VWF: variants seen among roughly 807,000 people sequenced by gnomAD.
VWF encodes von Willebrand factor, also known as Factor VIII related antigen.
VWF carries 176 observed loss-of-function variants against 308.6 expected under a neutral mutation model. The ratio of observed to expected loss-of-function variants is 0.57; its 90% CI spans 0.50 to 0.65. VWF has a LOEUF of 0.65. VWF is among the 30% of genes least tolerant of loss of function. VWF has a pLI of 0.00. For missense variants in VWF, 3,146 were observed against 3,648.2 expected, an observed-to-expected ratio of 0.86 and a Z score of 3.55; for synonymous variants, 1,385 against 1,443.4, an observed-to-expected ratio of 0.96 and a Z score of 0.92.
At chr12:6,055,534 G>A (rs778354956) in intron 15 of VWF, among the ~76,000 whole-genome samples, 4 of 152,032 alleles carry the variant, frequency 2.6e-5, no homozygotes, top group African/African-American at 7.2e-5. Context: ...AGGGCACAAC[G>A]GCTGCATTAT....
intron 15 of VWF, among the ~76,000 whole-genome samples, chr12:6,055,044 C>T (rs1334528277): frequency 6.6e-6 from 1 of 152,158 alleles, no homozygotes; most frequent in Non-Finnish European, 1.5e-5. Flanking sequence ...CCAGGGAAAG[C>T]TCCTTCCTAC....
In VWF at chr12:6,046,601, C is replaced by T. The variant is rs1944448686; in HGVS notation, c.2281+122G>A. 5 of 1,009,386 alleles carry T rather than the reference C, an allele frequency of 5.0e-6. No individual in the cohort carries two copies. The highest frequency in any genetic ancestry group is 7.7e-6 in the Non-Finnish European group (5 of 645,560). The allele number at this position is 1,009,386 out of a possible 1,614,324, so 62.5% of individuals were successfully genotyped here. ...AAATGAAGGCGATCCTGGGCGAAGC[C>T]AGACCCATGCCTGGGTGCACACGCA... On this transcript the variant is annotated intron_variant, in intron 17 of 51. Coordinates refer to ENST00000261405, the MANE Select transcript of VWF (RefSeq NM_000552.5). This position sits in a 1 kb window ranked among gnomAD's most constrained non-coding sequence, Gnocchi z 5.0.
At chr12:5,979,337 T>A (rs377142324) in intron 42 of VWF, among the ~76,000 whole-genome samples, 2 of 152,340 alleles carry the variant, frequency 1.3e-5, no homozygotes, top group South Asian at 2.1e-4. Context: ...CCTAATGACA[T>A]AATAAATCTT....
intron 19 of VWF, 71 bp from the exon 20 acceptor site, chr12:6,034,897 G>T: frequency 1.3e-6 from 2 of 1,588,082 alleles, no homozygotes; most frequent in East Asian, 2.3e-5. Context: ...GGCCATGGAG[G>T]CAATGAAGGA....
chr12:6,028,544 G>A (rs1944220545), intron 22 of VWF, among the ~76,000 whole-genome samples: 1 of 152,222 alleles, frequency 6.6e-6, no homozygotes, highest in South Asian at 2.1e-4. Context: ...AAGCCCATCA[G>A]ACTAATAGCA....
chr12:5,955,994 T>C (rs1049748370), intron 47 of VWF, among the ~76,000 whole-genome samples: 1 of 152,216 alleles, frequency 6.6e-6, no homozygotes, highest in African/African-American at 2.4e-5. Flanking sequence ...ACAGTATCAA[T>C]GGTTTAATAA....
chr12:6,091,290 G>C (rs1183791535), intron 6 of VWF, among the ~76,000 whole-genome samples: 1 of 151,446 alleles, frequency 6.6e-6, no homozygotes, highest in African/African-American at 2.4e-5. Flanking sequence ...GATGGGGGGT[G>C]GGTGGGAGGA....
chr12:6,107,655 T>TAA (rs1304086026), intron 5 of VWF, among the ~76,000 whole-genome samples: 2 of 151,114 alleles, frequency 1.3e-5, no homozygotes, highest in Non-Finnish European at 2.9e-5. Flanking sequence ...AAAGATTCAA[T>TAA]ATATATATAT....
chr12:6,123,360 C>A (rs751808122), intron 1 of VWF, among the ~76,000 whole-genome samples, 164 bp from the exon 2 acceptor site: 29 of 152,284 alleles, frequency 1.9e-4, no homozygotes, highest in South Asian at 1.2e-3. Flanking sequence ...CTTCTGGCCC[C>A]CGAAAAAACC....
At chr12:5,990,599 G>A (rs1449480437) in intron 38 of VWF, among the ~76,000 whole-genome samples, 2 of 152,076 alleles carry the variant, frequency 1.3e-5, no homozygotes, top group African/African-American at 4.8e-5. Context: ...CTTGAGTGCA[G>A]TCCATGATCA....
chr12:6,096,679 T>G (rs985377835), intron 5 of VWF, among the ~76,000 whole-genome samples: 13 of 152,228 alleles, frequency 8.5e-5, no homozygotes, highest in African/African-American at 3.1e-4. Context: ...GCATCTGTGC[T>G]TTAGTACTTA....
intron 10 of VWF, 67 bp downstream of exon 10, chr12:6,071,230 G>A: frequency 1.3e-6 from 2 of 1,584,402 alleles, no homozygotes; most frequent in South Asian, 1.1e-5. Flanking sequence ...TCCCTGTCTG[G>A]TAAGAGAGGA....
intron 3 of VWF, among the ~76,000 whole-genome samples, chr12:6,118,020 T>A (rs544438443): frequency 6.6e-6 from 1 of 152,278 alleles, no homozygotes; most frequent in South Asian, 2.1e-4. Context: ...AGCCCAGTGC[T>A]GGACGGGTGG....
intron 43 of VWF, among the ~76,000 whole-genome samples, chr12:5,972,518 G>A (rs1214418883): frequency 1.3e-5 from 2 of 152,204 alleles, no homozygotes; most frequent in Non-Finnish European, 2.9e-5. Context: ...AGCTGTTCAG[G>A]ACGGGTGTGG....
chr12:5,995,850 AC>A, intron 35 of VWF, 151 bp downstream of exon 35: 3 of 734,076 alleles, frequency 4.1e-6, no homozygotes, highest in Non-Finnish European at 7.1e-6. Flanking sequence ...ATGGCAATAA[AC>A]CCCTCTAAGA....
chr12:5,967,479 C>T lies in VWF; in HGVS notation c.7887+7G>A. On this transcript the variant is annotated splice_region_variant and intron_variant, in intron 47 of 51. Coordinates refer to ENST00000261405, the MANE Select transcript of VWF (RefSeq NM_000552.5). ...CATGCCCTCGGTCCCCATTGAGCCT[C>T]TCTTACCAGGGGGCAGGGGTTGCAG... is the stretch of plus-strand genomic sequence containing the variant. 1.2e-6 allele frequency: 2 copies of T among 1,614,006 alleles called. No homozygotes were observed. Among genetic ancestry groups the T allele is most frequent in the Non-Finnish European group, 8.5e-7 (1 of 1,179,886 alleles).
intron 51 of VWF, 147 bp downstream of exon 51, chr12:5,949,639 A>G (rs1943156428): frequency 2.3e-6 from 2 of 868,556 alleles, no homozygotes; most frequent in Non-Finnish European, 3.6e-6. Flanking sequence ...TCAATAAAAC[A>G]TTTGCTTAAA....
At chr12:6,048,493 T>C (rs1410754601) in intron 16 of VWF, among the ~76,000 whole-genome samples, 1 of 151,152 alleles carries the variant, frequency 6.6e-6, no homozygotes, top group African/African-American at 2.4e-5. Flanking sequence ...GACAGAGTCT[T>C]ACTCTGTCGC....
chr12:6,094,196 G>A (rs1054826106), intron 6 of VWF, among the ~76,000 whole-genome samples: 13 of 152,334 alleles, frequency 8.5e-5, no homozygotes, highest in Non-Finnish European at 1.6e-4. Context: ...CCAGCCTCCA[G>A]AACTGGGAGA....
Sources: gnomAD v4.1 joint callset for allele counts (sites outside exome capture counted in the v4.1 genomes callset) on GRCh38, gnomAD v4.1.1 for gene constraint, Gnocchi (gnomAD v3.1) non-coding constraint, MANE v1.5 for transcripts, NCBI Gene and HGNC (gene_info 2026-07-23, HGNC 2026-07-21) for gene names.